SEC24D: variants seen among roughly 807,000 people sequenced by gnomAD.
SEC24D encodes the protein protein transport protein Sec24D.
A neutral mutation model predicts 116.9 loss-of-function variants in SEC24D; 69 were observed. That is an observed-to-expected ratio of 0.59 (90% CI 0.49 to 0.72). The LOEUF is 0.72. Among genes scored for constraint, SEC24D ranks in the 30% least tolerant of loss-of-function variants. The probability of loss-of-function intolerance (pLI) is 0.00; values close to 1 mark genes in which losing one functional copy is unlikely to be tolerated. For missense variants in SEC24D, 1,131 were observed against 1,264.1 expected (o/e 0.89, Z 1.60); for synonymous variants, 405 against 442.8 (o/e 0.91, Z 1.07).
chr4:118,794,934 T>C (rs1314955640), intron 8 of SEC24D, among the ~76,000 whole-genome samples: 1 of 152,142 alleles, frequency 6.6e-6, no homozygotes, highest in Non-Finnish European at 1.5e-5. Flanking sequence ...CATTCTATCA[T>C]TTACATTTAC....
At chr4:118,828,783 A>G (rs1730700594) in intron 2 of SEC24D, among the ~76,000 whole-genome samples, 1 of 152,198 alleles carries the variant, frequency 6.6e-6, no homozygotes, top group Admixed American at 6.5e-5. Context: ...CCCTTCCCAG[A>G]CTAAATCACT....
intron 12 of SEC24D, 107 bp downstream of exon 12, chr4:118,752,590 A>T (rs1427726244): frequency 1.4e-6 from 1 of 737,064 alleles, no homozygotes; most frequent in African/African-American, 1.8e-5. Flanking sequence ...CTGTGTCTTG[A>T]AACCCCCTTG....
intron 8 of SEC24D, among the ~76,000 whole-genome samples, chr4:118,783,665 G>A (rs1242097731): frequency 6.6e-6 from 1 of 152,114 alleles, no homozygotes; most frequent in Non-Finnish European, 1.5e-5. Context: ...TGGTATATGA[G>A]ATGACTGAAA....
At chr4:118,741,571 A>C (rs577144226) in intron 15 of SEC24D, among the ~76,000 whole-genome samples, 2 of 152,280 alleles carry the variant, frequency 1.3e-5, no homozygotes, top group South Asian at 4.1e-4. Context: ...ACATGTGCAC[A>C]ATACTGAGCT....
At chr4:118,728,465 C>G in intron 22 of SEC24D, 96 bp downstream of exon 22, 4 of 703,794 alleles carry the variant, frequency 5.7e-6, no homozygotes, top group Non-Finnish European at 9.3e-6. Context: ...TTTTTAAAAT[C>G]AAAGATCACG....
chr4:118,768,234 A>G lies in SEC24D; in HGVS notation c.1119T>C (p.Phe373=). The change falls in exon 9 of 23, where the codon TTT becomes TTC. Residue 373 remains phenylalanine (F), a synonymous_variant. Transcript: ENST00000280551. ...TCCTTCCTCCTTCGATGAACTGCAT[A>G]AATGGGCACATGTAGGCCTTGCACC... is the stretch of plus-strand genomic sequence containing the variant. ...CNRCKAYMCP[F]MQFIEGGRRY... The G allele has an allele frequency of 1.2e-6, 2 of 1,613,904 alleles. No homozygotes were observed. Among genetic ancestry groups the G allele is most frequent in the Non-Finnish European group, 1.7e-6 (2 of 1,179,822 alleles).
At chr4:118,764,999 G>T in intron 9 of SEC24D, 82 bp from the exon 10 acceptor site, 1 of 781,686 alleles carries the variant, frequency 1.3e-6, no homozygotes, top group Admixed American at 1.9e-5. Flanking sequence ...TTTATTATGA[G>T]AGGAAAGGAG....
At chr4:118,816,638 T>G in intron 4 of SEC24D, 1 of 271,446 alleles carries the variant, frequency 3.7e-6, no homozygotes, top group Non-Finnish European at 7.3e-6. Flanking sequence ...AATAGAGGGG[T>G]TTTAATGATA....
chr4:118,804,139 G>A (rs1416705791), intron 7 of SEC24D, among the ~76,000 whole-genome samples: 1 of 152,124 alleles, frequency 6.6e-6, no homozygotes, highest in African/African-American at 2.4e-5. Flanking sequence ...GAAGCATTAT[G>A]GGAAAAGACA....
At chr4:118,750,351 G>A (rs1726760466) in intron 13 of SEC24D, among the ~76,000 whole-genome samples, 1 of 152,164 alleles carries the variant, frequency 6.6e-6, no homozygotes, top group Non-Finnish European at 1.5e-5. Flanking sequence ...TAGACCTCTT[G>A]TGGACTGCCA....
chr4:118,833,852 T>A, intron 1 of SEC24D, 115 bp from the exon 2 acceptor site: 4 of 575,414 alleles, frequency 7.0e-6, no homozygotes, highest in South Asian at 4.3e-5. Context: ...AGTACAGATA[T>A]CAGGTACATG....
chr4:118,810,120 GTGTGTGTGTGTGTGT>G (rs1729850884), intron 6 of SEC24D, among the ~76,000 whole-genome samples: 1 of 144,952 alleles, frequency 6.9e-6, no homozygotes, highest in Admixed American at 6.9e-5. Context: ...GTGTGTGTGT[GTGTGTGTGTGTGTGT>G]GTCAGAGGGT....
intron 7 of SEC24D, among the ~76,000 whole-genome samples, chr4:118,804,537 A>G (rs1425461887): frequency 1.3e-5 from 2 of 151,804 alleles, no homozygotes; most frequent in African/African-American, 4.8e-5. Context: ...TATAATACTT[A>G]TCATTAGGTT....
chr4:118,785,014 T>C (rs1728608301), intron 8 of SEC24D, among the ~76,000 whole-genome samples: 1 of 152,004 alleles, frequency 6.6e-6, no homozygotes, highest in African/African-American at 2.4e-5. Flanking sequence ...GTGTGGGAAA[T>C]AAAATATTTT....
intron 10 of SEC24D, among the ~76,000 whole-genome samples, chr4:118,759,909 T>C (rs1348326409): frequency 2.0e-5 from 3 of 152,204 alleles, no homozygotes; most frequent in African/African-American, 7.2e-5. Context: ...ATAAAAGTTC[T>C]GCCAGCACCT....
intron 22 of SEC24D, among the ~76,000 whole-genome samples, chr4:118,724,047 A>G (rs1725284398): frequency 6.6e-6 from 1 of 152,230 alleles, no homozygotes; most frequent in Non-Finnish European, 1.5e-5. Flanking sequence ...TAAAAGGGAC[A>G]AATTATCATC....
chr4:118,772,256 A>G (rs1159632636), intron 8 of SEC24D, among the ~76,000 whole-genome samples: 2 of 152,196 alleles, frequency 1.3e-5, no homozygotes, highest in African/African-American at 2.4e-5. Flanking sequence ...TATCACATAG[A>G]TCCAATAGGT....
At chr4:118,783,336 A>G (rs943069081) in intron 8 of SEC24D, among the ~76,000 whole-genome samples, 1 of 152,166 alleles carries the variant, frequency 6.6e-6, no homozygotes, top group African/African-American at 2.4e-5. Flanking sequence ...ACCTCCTCCC[A>G]GGCAGACGTT....
At chr4:118,792,946 CTGT>C (rs1347105312) in intron 8 of SEC24D, among the ~76,000 whole-genome samples, 6 of 152,174 alleles carry the variant, frequency 3.9e-5, no homozygotes, top group African/African-American at 1.4e-4. Context: ...TAAATTTTGA[CTGT>C]TATTATTCCC....
Sources: gnomAD v4.1 joint callset for allele counts (sites outside exome capture counted in the v4.1 genomes callset) on GRCh38, gnomAD v4.1.1 for gene constraint, MANE v1.5 for transcripts, NCBI Gene and HGNC (gene_info 2026-07-23, HGNC 2026-07-21) for gene names.